MGMT: variants seen among roughly 807,000 people sequenced by gnomAD.
MGMT encodes the protein O-6-methylguanine-DNA methyltransferase.
In MGMT, 14 loss-of-function variants were observed where a neutral mutation model predicts 15.9. That is an observed-to-expected ratio of 0.88 (90% CI 0.58 to 1.37). The LOEUF (loss-of-function observed/expected upper bound fraction) is 1.37, where lower values mean the gene tolerates loss of function less well. MGMT is among the 40% of genes most tolerant of loss of function. The pLI, the probability that MGMT is intolerant of heterozygous loss-of-function variation, is 0.00. For missense variants in MGMT, 282 were observed against 268.1 expected (o/e 1.05, Z -0.36); for synonymous variants, 130 against 118.2 (o/e 1.10, Z -0.65).
intron 2 of MGMT, among the ~76,000 whole-genome samples, chr10:129,693,493 T>C (rs1042286960): frequency 1.3e-5 from 2 of 152,206 alleles, no homozygotes; most frequent in African/African-American, 4.8e-5. Context: ...CTCCAAGGCC[T>C]TGGGCTGCGG....
chr10:129,640,097 CTTT>C (rs539701974), intron 2 of MGMT, among the ~76,000 whole-genome samples: 3 of 139,440 alleles, frequency 2.2e-5, no homozygotes, highest in Admixed American at 7.2e-5. Flanking sequence ...AAATGAATAA[CTTT>C]TTTTTTTTTT....
intron 3 of MGMT, among the ~76,000 whole-genome samples, chr10:129,714,898 C>T (rs1198253540): frequency 6.6e-6 from 1 of 152,192 alleles, no homozygotes; most frequent in Admixed American, 6.5e-5. Flanking sequence ...TGTCCCTGTG[C>T]AGAGCCCTCT....
intron 2 of MGMT, among the ~76,000 whole-genome samples, chr10:129,664,358 A>G (rs1200633483): frequency 6.6e-6 from 1 of 152,210 alleles, no homozygotes. Context: ...GGATTGAGAA[A>G]ATGACTAAGT....
At chr10:129,522,275 G>T (rs2119727776) in intron 1 of MGMT, among the ~76,000 whole-genome samples, 1 of 152,348 alleles carries the variant, frequency 6.6e-6, no homozygotes, top group South Asian at 2.1e-4. Flanking sequence ...CCCTGCAGGG[G>T]TCACAGGCTG....
chr10:129,646,563 A>C (rs953773086), intron 2 of MGMT, among the ~76,000 whole-genome samples: 15 of 151,230 alleles, frequency 9.9e-5, no homozygotes, highest in African/African-American at 3.7e-4. Flanking sequence ...GCACGGTGGC[A>C]GTTAGTACTG....
chr10:129,560,983 G>GCGTGTGCA (rs1483254835), intron 2 of MGMT, among the ~76,000 whole-genome samples: 2 of 131,620 alleles, frequency 1.5e-5, no homozygotes, highest in East Asian at 5.0e-4. Context: ...GTGTGTGTGT[G>GCGTGTGCA]TGTGTGTGTG....
intron 2 of MGMT, among the ~76,000 whole-genome samples, chr10:129,674,501 GC>G (rs1847762530): frequency 6.6e-6 from 1 of 152,204 alleles, no homozygotes; most frequent in African/African-American, 2.4e-5. Flanking sequence ...CCTCTTAATG[GC>G]CACATGGACC....
At chr10:129,743,349 A>G (rs1394014917) in intron 3 of MGMT, among the ~76,000 whole-genome samples, 1 of 152,196 alleles carries the variant, frequency 6.6e-6, no homozygotes, top group African/African-American at 2.4e-5. Context: ...GTTCATCCAC[A>G]GGTGCTGTCA....
rs1326081854 is a variant in MGMT, at chr10:129,556,554, C to T, written c.125+20177C>T. Reference sequence around the variant, plus strand: ...CCCTGGCGGAAGAACGCAGCCTCGTCGGTGGGTTTGGTGATGCTGTGCAGT... The same window carrying T: ...CCCTGGCGGAAGAACGCAGCCTCGTTGGTGGGTTTGGTGATGCTGTGCAGT... On this transcript the variant is annotated intron_variant, in intron 2 of 4. Coordinates refer to ENST00000651593, the MANE Select transcript of MGMT (RefSeq NM_002412.5). The surrounding 1 kb of genome is among the most constrained non-coding windows in gnomAD (Gnocchi z 4.3). 1.3e-5 allele frequency among the ~76,000 whole-genome samples: 2 copies of T among 152,288 alleles called. No individual in the cohort carries two copies. The highest frequency in any genetic ancestry group is 2.4e-5 in the African/African-American group (1 of 41,554).
chr10:129,645,535 A>C (rs567872444), intron 2 of MGMT, among the ~76,000 whole-genome samples: 1 of 152,256 alleles, frequency 6.6e-6, no homozygotes, highest in African/African-American at 2.4e-5. Context: ...TTCTGTGGTC[A>C]GGCCTGTGCT....
chr10:129,757,025 C>T (rs1181255339), intron 3 of MGMT, among the ~76,000 whole-genome samples: 1 of 152,218 alleles, frequency 6.6e-6, no homozygotes, highest in African/African-American at 2.4e-5. Flanking sequence ...AGAGCTGCTT[C>T]AACTAATTAC....
At chr10:129,605,432 T>C (rs1336141621) in intron 2 of MGMT, among the ~76,000 whole-genome samples, 2 of 152,210 alleles carry the variant, frequency 1.3e-5, no homozygotes, top group Non-Finnish European at 2.9e-5. Context: ...CATCTGTACA[T>C]CATTTCTGAC....
intron 4 of MGMT, among the ~76,000 whole-genome samples, chr10:129,766,117 G>A (rs555274401): frequency 1.3e-5 from 2 of 152,310 alleles, no homozygotes; most frequent in South Asian, 4.1e-4. Flanking sequence ...CGTGGTTGTG[G>A]TCCTCACTCT....
chr10:129,589,918 C>T (rs1846662446), intron 2 of MGMT, among the ~76,000 whole-genome samples: 2 of 152,294 alleles, frequency 1.3e-5, no homozygotes, highest in Admixed American at 1.3e-4. Flanking sequence ...ATCTGGAGCC[C>T]AAGGGAGGGG....
At chr10:129,523,081 C>G (rs1845830688) in intron 1 of MGMT, among the ~76,000 whole-genome samples, 1 of 152,254 alleles carries the variant, frequency 6.6e-6, no homozygotes, top group South Asian at 2.1e-4. Flanking sequence ...AGCCTGCCAC[C>G]TCTTTACTCC....
intron 2 of MGMT, among the ~76,000 whole-genome samples, chr10:129,552,852 G>A (rs1846173470): frequency 6.6e-6 from 1 of 152,182 alleles, no homozygotes; most frequent in African/African-American, 2.4e-5. Context: ...TTCCCCACGT[G>A]TGTCACCTTT....
intron 2 of MGMT, among the ~76,000 whole-genome samples, chr10:129,543,159 TG>T (rs554373176): frequency 8.2e-4 from 125 of 152,280 alleles, no homozygotes; most frequent in African/African-American, 3.0e-3. Flanking sequence ...GTGCTGCACA[TG>T]GGGCCTGCAG....
intron 2 of MGMT, among the ~76,000 whole-genome samples, chr10:129,582,974 C>T (rs144972264): frequency 1.9e-3 from 290 of 152,194 alleles, no homozygotes; most frequent in African/African-American, 6.7e-3. Context: ...CTTGATATAC[C>T]TAAATATCGG....
chr10:129,536,203 T>C (rs761132609), intron 1 of MGMT, 38 bp from the exon 2 acceptor site: 1 of 1,610,394 alleles, frequency 6.2e-7, no homozygotes, highest in Non-Finnish European at 8.5e-7. Flanking sequence ...ACCAGCCTCT[T>C]ACCTATACAC....
Sources: gnomAD v4.1 joint callset for allele counts (sites outside exome capture counted in the v4.1 genomes callset) on GRCh38, gnomAD v4.1.1 for gene constraint, Gnocchi (gnomAD v3.1) non-coding constraint, MANE v1.5 for transcripts, NCBI Gene and HGNC (gene_info 2026-07-23, HGNC 2026-07-21) for gene names.